Variants in SLC26A7 observed in about 807,000 individuals in gnomAD.
The protein encoded by SLC26A7 is anion exchange transporter.
In SLC26A7, 59 loss-of-function variants were observed where a neutral mutation model predicts 82.5. The ratio of observed to expected loss-of-function variants is 0.72; its 90% confidence interval spans 0.58 to 0.89. The LOEUF is 0.89. SLC26A7 is among the 40% of genes least tolerant of loss of function. The pLI is 0.00. For missense variants in SLC26A7, 820 were observed against 793.0 expected (o/e 1.03, Z -0.41); for synonymous variants, 271 against 274.3 (o/e 0.99, Z 0.12).
At chr8:91,246,261 A>G (rs1428841284), upstream of SLC26A7, among the ~76,000 whole-genome samples, 1 of 152,234 alleles carries the variant, frequency 6.6e-6, no homozygotes, top group Non-Finnish European at 1.5e-5. Context: ...TCCTTCTGCT[A>G]AATTCTAAAA....
rs368515664 is a variant in SLC26A7 at position 91,277,777 on chromosome 8, C to T, written c.194-11359C>T. On this transcript the variant is annotated intron_variant, in intron 2 of 18. Transcript: ENST00000276609. ...TAGTTTAAACTTCACATATTATTAA[C>T]TTGGTACAAAGCTAAAATAAAATAT... Among the ~76,000 whole-genome samples, 11 of 152,260 alleles carry T rather than the reference C, an allele frequency of 7.2e-5. 1 individual carries two copies. The East Asian group carries it at 2.1e-3, about 29-fold the overall frequency.
intron 2 of SLC26A7, among the ~76,000 whole-genome samples, chr8:91,257,986 G>A (rs183300316): frequency 6.6e-6 from 1 of 152,064 alleles, no homozygotes; most frequent in African/African-American, 2.4e-5. Context: ...TGCAAGCAGG[G>A]GAAATGCCAG....
chr8:91,238,247 C>T (rs946202155), intron 2 of SLC26A7, among the ~76,000 whole-genome samples: 16 of 151,952 alleles, frequency 1.1e-4, no homozygotes, highest in African/African-American at 3.9e-4. Context: ...GATGATCATC[C>T]TGGGGCTGGC....
chr8:91,390,306 A>G (rs1318047213), intron 16 of SLC26A7, among the ~76,000 whole-genome samples: 1 of 151,924 alleles, frequency 6.6e-6, no homozygotes, highest in Non-Finnish European at 1.5e-5. Flanking sequence ...TTTAGTAGAG[A>G]CGGGGTTTCA....
chr8:91,248,154 G>A (rs1171170000), upstream of SLC26A7, among the ~76,000 whole-genome samples: 1 of 152,038 alleles, frequency 6.6e-6, no homozygotes, highest in African/African-American at 2.4e-5. Flanking sequence ...CTATTGAATG[G>A]TTTAGAAATT....
At chr8:91,291,417 AT>A (rs1235765770) in intron 3 of SLC26A7, among the ~76,000 whole-genome samples, 8 of 152,204 alleles carry the variant, frequency 5.3e-5, no homozygotes, top group Admixed American at 3.9e-4. Flanking sequence ...ATTAAAGCCT[AT>A]TTTTTCAATT....
chr8:91,271,315 C>G (rs1476462829), intron 2 of SLC26A7, among the ~76,000 whole-genome samples: 1 of 152,056 alleles, frequency 6.6e-6, no homozygotes, highest in Non-Finnish European at 1.5e-5. Context: ...CTTGTATACA[C>G]CATGAAAGCA....
intron 2 of SLC26A7, among the ~76,000 whole-genome samples, chr8:91,276,584 G>A (rs961117277): frequency 2.0e-5 from 3 of 152,146 alleles, no homozygotes; most frequent in Non-Finnish European, 4.4e-5. Flanking sequence ...TGCTGAACTG[G>A]ACCTGAACTG....
In SLC26A7 at chr8:91,238,561, A is replaced by G. The variant is rs548719227; in HGVS notation, c.-33-11058A>G. On this transcript the variant is annotated intron_variant, in intron 2 of 5. Coordinates refer to the SLC26A7 transcript ENST00000522862. Reference sequence around the variant, plus strand: ...TATATATATTTATATATACATATATATATACACACACACATATATATATAT... The same window carrying G: ...TATATATATTTATATATACATATATGTATACACACACACATATATATATAT... Among the ~76,000 whole-genome samples the G allele has an allele frequency of 6.0e-5, 9 of 149,144 alleles. No individual in the cohort carries two copies. The East Asian group carries it at 1.8e-3, about 29-fold the overall frequency.
chr8:91,373,026 T>TGTA (rs1814410601), intron 15 of SLC26A7, among the ~76,000 whole-genome samples: 3 of 151,964 alleles, frequency 2.0e-5, no homozygotes, highest in African/African-American at 4.8e-5. Flanking sequence ...TCTTTCAGCT[T>TGTA]CAGCTTTGTT....
intron 3 of SLC26A7, among the ~76,000 whole-genome samples, chr8:91,295,006 T>C (rs560874571): frequency 6.6e-6 from 1 of 152,180 alleles, no homozygotes; most frequent in East Asian, 1.9e-4. Context: ...GAAAAACAAA[T>C]AGGATTTGCA....
At chr8:91,315,248 C>A (rs574205438) in intron 4 of SLC26A7, among the ~76,000 whole-genome samples, 1 of 152,250 alleles carries the variant, frequency 6.6e-6, no homozygotes, top group African/African-American at 2.4e-5. Flanking sequence ...TACTTGTATT[C>A]TACATTTAGC....
chr8:91,292,158 A>T (rs1236313780), intron 3 of SLC26A7, among the ~76,000 whole-genome samples: 1 of 152,102 alleles, frequency 6.6e-6, no homozygotes, highest in Non-Finnish European at 1.5e-5. Context: ...ACAAAAAATT[A>T]GCTGGACGTG....
At chr8:91,363,774 G>C (rs540994034) in intron 13 of SLC26A7, among the ~76,000 whole-genome samples, 2 of 152,022 alleles carry the variant, frequency 1.3e-5, no homozygotes, top group Non-Finnish European at 2.9e-5. Flanking sequence ...AGCATAGCAT[G>C]GTACCTAGAA....
At chr8:91,394,841 A>G (rs1808525255) in intron 18 of SLC26A7, 1 of 813,768 alleles carries the variant, frequency 1.2e-6, no homozygotes, top group Non-Finnish European at 1.8e-6. Flanking sequence ...GAAACTGACC[A>G]GGGAAATTAC....
rs1465477501 is a variant in SLC26A7 at position 91,340,393 on chromosome 8, T to A, written c.879-11T>A. 3 of 1,613,120 alleles carry A rather than the reference T, an allele frequency of 1.9e-6. No homozygotes were observed. Among genetic ancestry groups the A allele is most frequent in the East Asian group, 4.5e-5 (2 of 44,848 alleles). On this transcript the variant is annotated splice_polypyrimidine_tract_variant and intron_variant, in intron 7 of 18. Transcript: ENST00000276609. ...AGTTTGATGACTTCAATATGGTCCT[T>A]CTTTCCACAGAATTCCCTCACCTAG...
chr8:91,229,122 G>C (rs758999662), intron 2 of SLC26A7, among the ~76,000 whole-genome samples: 2 of 152,104 alleles, frequency 1.3e-5, no homozygotes, highest in Non-Finnish European at 2.9e-5. Flanking sequence ...AATCCTGCCA[G>C]TCTCTCTCTC....
upstream of SLC26A7, among the ~76,000 whole-genome samples, chr8:91,245,420 A>C (rs1810531894): frequency 6.6e-6 from 1 of 152,178 alleles, no homozygotes; most frequent in South Asian, 2.1e-4. Flanking sequence ...GGTAGACTTG[A>C]TACAAATTAC....
At chr8:91,389,842 A>G (rs1473191698) in intron 16 of SLC26A7, among the ~76,000 whole-genome samples, 1 of 152,172 alleles carries the variant, frequency 6.6e-6, no homozygotes, top group Admixed American at 6.5e-5. Flanking sequence ...ACGGTTGGGT[A>G]CAGTTTGGCC....
Sources: allele counts gnomAD v4.1 joint callset (sites outside exome capture counted in the v4.1 genomes callset), GRCh38; gene constraint gnomAD v4.1.1; transcripts MANE v1.5; gene names NCBI Gene and HGNC (gene_info 2026-07-23, HGNC 2026-07-21).